The following CHRM5 variants were observed in gnomAD, a reference collection of about 807,000 sequenced individuals.
CHRM5 encodes muscarinic acetylcholine receptor M5.
Under a neutral mutation model 39.0 loss-of-function variants are expected in CHRM5, and 18 were observed. The observed-to-expected ratio is 0.46, with a 90% CI of 0.32 to 0.68. CHRM5 has a LOEUF of 0.68. Among genes scored for constraint, CHRM5 ranks in the 30% least tolerant of loss-of-function variants. The pLI is 0.04. For synonymous variants in CHRM5, 241 were observed against 246.3 expected (o/e 0.98, Z 0.20); for missense variants, 515 against 651.1 (o/e 0.79, Z 2.28).
chr15:34,036,383 G>A (rs2140783824), intron 1 of CHRM5, among the ~76,000 whole-genome samples: 1 of 152,252 alleles, frequency 6.6e-6, no homozygotes, highest in East Asian at 1.9e-4. Context: ...CACAAAATTG[G>A]TTTCTGAAGG....
At chr15:34,011,674 G>A (rs1251548151) in intron 1 of CHRM5, among the ~76,000 whole-genome samples, 2 of 152,088 alleles carry the variant, frequency 1.3e-5, no homozygotes, top group East Asian at 3.9e-4. Flanking sequence ...AACCCTCAGT[G>A]CAGCTGTTCA....
At position 34,065,794 on chromosome 15, in the gene CHRM5, G is replaced by A. The variant is rs1278826157; in HGVS notation, c.*1478G>A. 1 of 152,214 alleles carries A rather than the reference G, an allele frequency of 6.6e-6. No homozygotes were observed. Among genetic ancestry groups the A allele is most frequent in the Non-Finnish European group, 1.5e-5 (1 of 68,046 alleles). 9.4% of individuals were successfully genotyped at this position (152,214 alleles called of 1,614,324 possible). On this transcript the variant is annotated 3_prime_UTR_variant, in exon 3 of 3. Coordinates refer to ENST00000383263, the MANE Select transcript of CHRM5 (RefSeq NM_012125.4). ...AAGCAGTAGTGTGGTACACAGCAAG[G>A]ATTTTAAAGATGAAGCACTCCTGTC...
chr15:33,986,302 G>T (rs145751019), intron 1 of CHRM5, among the ~76,000 whole-genome samples: 2,219 of 151,800 alleles, frequency 0.015, 69 homozygotes, highest in African/African-American at 0.052. Context: ...GTAGAAACGG[G>T]GTTTCACCAT....
chr15:34,050,490 C>T (rs1899894007), intron 2 of CHRM5, among the ~76,000 whole-genome samples: 1 of 152,164 alleles, frequency 6.6e-6, no homozygotes, highest in African/African-American at 2.4e-5. Context: ...GGATCAAATT[C>T]ACACATAACC....
chr15:33,978,155 C>A (rs964887151), intron 1 of CHRM5, among the ~76,000 whole-genome samples: 2 of 152,050 alleles, frequency 1.3e-5, no homozygotes, highest in African/African-American at 4.8e-5. Flanking sequence ...GATCCAAGTA[C>A]ATGAAGAAAG....
intron 1 of CHRM5, among the ~76,000 whole-genome samples, chr15:33,982,011 C>T (rs981746445): frequency 6.6e-6 from 1 of 150,660 alleles, no homozygotes; most frequent in South Asian, 2.1e-4. Context: ...CCACCATGCC[C>T]TGCTAATTTT....
intron 1 of CHRM5, among the ~76,000 whole-genome samples, chr15:33,974,158 G>T (rs563701015): frequency 6.6e-6 from 1 of 152,034 alleles, no homozygotes; most frequent in Admixed American, 6.6e-5. Flanking sequence ...GAATTTCATC[G>T]ATAATCCAAA....
intron 1 of CHRM5, among the ~76,000 whole-genome samples, chr15:34,021,532 C>A (rs945217417): frequency 6.6e-6 from 1 of 152,060 alleles, no homozygotes; most frequent in East Asian, 1.9e-4. Flanking sequence ...TGAGCCACCG[C>A]GCCTGGCTTA....
At chr15:33,993,849 T>C (rs200333561) in intron 1 of CHRM5, among the ~76,000 whole-genome samples, 1 of 147,858 alleles carries the variant, frequency 6.8e-6, no homozygotes, top group African/African-American at 2.5e-5. Flanking sequence ...GGTTTTTTTT[T>C]CCTGTGTTTG....
chr15:34,019,311 A>C (rs1024931635), intron 1 of CHRM5, among the ~76,000 whole-genome samples: 3 of 152,240 alleles, frequency 2.0e-5, no homozygotes, highest in African/African-American at 7.2e-5. Flanking sequence ...AAGCTTATAA[A>C]GATATATTTT....
At chr15:33,986,389 G>GT (rs1431302823) in intron 1 of CHRM5, among the ~76,000 whole-genome samples, 8 of 151,700 alleles carry the variant, frequency 5.3e-5, no homozygotes, top group Admixed American at 6.6e-5. Context: ...GATTACAGGC[G>GT]TAAGCCACCG....
chr15:33,978,502 A>T (rs1425600171), intron 1 of CHRM5, among the ~76,000 whole-genome samples: 1 of 152,024 alleles, frequency 6.6e-6, no homozygotes, highest in Non-Finnish European at 1.5e-5. Context: ...TGTCTCTACT[A>T]AAAATACAAA....
chr15:34,004,496 A>C (rs557259637), intron 1 of CHRM5, among the ~76,000 whole-genome samples: 1 of 152,344 alleles, frequency 6.6e-6, no homozygotes, highest in Non-Finnish European at 1.5e-5. Context: ...AATAATGACT[A>C]TGAGACAACT....
chr15:34,048,350 G>C (rs546400251), intron 2 of CHRM5, among the ~76,000 whole-genome samples: 1 of 149,880 alleles, frequency 6.7e-6, no homozygotes, highest in East Asian at 2.0e-4. Context: ...TGACTCAGCT[G>C]TTCCAGCCTG....
At position 33,989,447 on chromosome 15, in the gene CHRM5, G is replaced by GT. The variant is rs1279827135; in HGVS notation, c.-408+20300dup. Among the ~76,000 whole-genome samples, 235 of 136,692 alleles carry GT rather than the reference G, an allele frequency of 1.7e-3. 2 individuals are homozygous for GT. Among genetic ancestry groups the GT allele is most frequent in the African/African-American group, 6.0e-3 (223 of 37,378 alleles). 89.7% of individuals were successfully genotyped at this position (136,692 alleles called of 152,430 possible). A position where few individuals can be genotyped will look rare whatever the true frequency, so the allele number is the denominator to read the frequency against. On this transcript the variant is annotated intron_variant, in intron 1 of 2. Transcript: ENST00000383263. ...TTTCTAACAGCTGGTTTTGTTTGGA[G>GT]TTTAAAAAAAAAAAAAAGGTTCTAA... is the stretch of plus-strand genomic sequence containing the variant.
intron 2 of CHRM5, among the ~76,000 whole-genome samples, chr15:34,052,704 G>C (rs1039465034): frequency 6.6e-6 from 1 of 152,032 alleles, no homozygotes; most frequent in African/African-American, 2.4e-5. Context: ...ATCAACAACA[G>C]GAAAGCACAG....
chr15:33,997,666 T>C (rs1443339555), intron 1 of CHRM5, among the ~76,000 whole-genome samples: 1 of 152,168 alleles, frequency 6.6e-6, no homozygotes, highest in African/African-American at 2.4e-5. Flanking sequence ...GATCCCAATA[T>C]CTTTTTACTG....
intron 2 of CHRM5, among the ~76,000 whole-genome samples, chr15:34,055,114 C>A (rs1225942019): frequency 1.3e-5 from 2 of 150,752 alleles, no homozygotes; most frequent in Admixed American, 1.3e-4. Context: ...ATCACTTGAA[C>A]CCGGGAGGCG....
chr15:33,992,988 A>G (rs982473337), intron 1 of CHRM5, among the ~76,000 whole-genome samples: 11 of 152,256 alleles, frequency 7.2e-5, no homozygotes, highest in African/African-American at 2.7e-4. Flanking sequence ...TATCTCTAAA[A>G]ATAGTGTTTA....
Sources: gnomAD v4.1 joint callset for allele counts (sites outside exome capture counted in the v4.1 genomes callset) on GRCh38, gnomAD v4.1.1 for gene constraint, MANE v1.5 for transcripts, NCBI Gene and HGNC (gene_info 2026-07-23, HGNC 2026-07-21) for gene names.